The following SLC9A9 variants were observed in gnomAD, a reference collection of about 807,000 sequenced individuals.
The protein encoded by SLC9A9 is sodium/hydrogen exchanger 9.
In SLC9A9, 62 loss-of-function variants were observed where a neutral mutation model predicts 77.8. That is an observed-to-expected ratio of 0.80 (90% CI 0.65 to 0.98). The LOEUF (loss-of-function observed/expected upper bound fraction) is 0.98. SLC9A9 is among the 50% of genes least tolerant of loss of function. The pLI, the probability that SLC9A9 is intolerant of heterozygous loss-of-function variation, is 0.00. For synonymous variants in SLC9A9, 320 were observed against 283.5 expected (o/e 1.13, Z -1.29); for missense variants, 775 against 774.9 (o/e 1.00, Z 0.00).
At chr3:143,692,034 T>C (rs529243580) in intron 5 of SLC9A9, among the ~76,000 whole-genome samples, 143 of 152,180 alleles carry the variant, frequency 9.4e-4, no homozygotes, top group Non-Finnish European at 1.4e-3. Flanking sequence ...AAAGTAATCA[T>C]ACCAAAAAAG....
chr3:143,708,793 T>C (rs1471933325), intron 4 of SLC9A9, among the ~76,000 whole-genome samples: 1 of 152,158 alleles, frequency 6.6e-6, no homozygotes, highest in Non-Finnish European at 1.5e-5. Context: ...TCCTGCTAGG[T>C]GCTAAGGGGT....
At chr3:143,637,249 G>T (rs2038538467) in intron 6 of SLC9A9, among the ~76,000 whole-genome samples, 1 of 144,736 alleles carries the variant, frequency 6.9e-6, no homozygotes, top group South Asian at 2.2e-4. Context: ...AACAATTCAA[G>T]ATATGAATGA....
rs1419410834 is a variant in SLC9A9, at chr3:143,606,436, C to CTCTCTCTCTA, written c.756-27714_756-27713insTAGAGAGAGA. On this transcript the variant is annotated intron_variant, in intron 6 of 15. Coordinates refer to ENST00000316549, the MANE Select transcript of SLC9A9 (RefSeq NM_173653.4). ...TCTCTCTCTCTCTCTCTCTCTCTCT[C>CTCTCTCTCTA]TATATATATATATATATATATATAT... is the stretch of plus-strand genomic sequence containing the variant. Among the ~76,000 whole-genome samples the CTCTCTCTCTA allele has an allele frequency of 5.3e-3, 288 of 54,186 alleles. 3 individuals are homozygous for CTCTCTCTCTA. The highest frequency in any genetic ancestry group is 8.9e-3 in the East Asian group (12 of 1,354). 35.5% of individuals were successfully genotyped at this position (54,186 alleles called of 152,430 possible). A position where few individuals can be genotyped will look rare whatever the true frequency, so the allele number is the denominator to read the frequency against.
chr3:143,523,715 T>C (rs2036357238), intron 9 of SLC9A9, among the ~76,000 whole-genome samples: 2 of 152,194 alleles, frequency 1.3e-5, no homozygotes, highest in South Asian at 4.1e-4. Context: ...ATTATCATTA[T>C]ATTTTTCCAT....
In SLC9A9 at chr3:143,795,048, A is replaced by C; in HGVS notation, c.486T>G (p.Ile162Met). Residue 162 changes from isoleucine to methionine, a missense_variant, in exon 4 of 16, where the codon ATT becomes ATG. Physicochemically the swap from Ile to Met is conservative, Grantham distance 10. Coordinates refer to ENST00000316549, the MANE Select transcript of SLC9A9 (RefSeq NM_173653.4). The part of the protein sequence containing the change: ...KRHFFQNLGS[I>M]LTYAFLGTAI... The stretch of plus-strand genomic sequence containing the variant: ...CAGTTCCCAAGAAGGCATACGTTAA[A>C]ATAGATCCTAAGTTTTGAAAAAAGT... 1 of 1,613,836 alleles carries C rather than the reference A, an allele frequency of 6.2e-7. No homozygotes were observed. Among genetic ancestry groups the C allele is most frequent in the Non-Finnish European group, 8.5e-7 (1 of 1,179,884 alleles).
intron 6 of SLC9A9, among the ~76,000 whole-genome samples, chr3:143,620,343 G>T (rs921415126): frequency 1.3e-5 from 2 of 152,166 alleles, no homozygotes; most frequent in African/African-American, 4.8e-5. Flanking sequence ...ATTATTAAAT[G>T]AGCTGGGATA....
chr3:143,810,234 G>A (rs1171347575), intron 2 of SLC9A9, among the ~76,000 whole-genome samples: 1 of 152,174 alleles, frequency 6.6e-6, no homozygotes, highest in East Asian at 1.9e-4. Context: ...GAAAGGATAT[G>A]TACCAAGTTA....
chr3:143,717,574 T>C (rs1178044522), intron 4 of SLC9A9, among the ~76,000 whole-genome samples: 1 of 152,232 alleles, frequency 6.6e-6, no homozygotes, highest in Non-Finnish European at 1.5e-5. Context: ...TGGAGCTTAG[T>C]GGTGGCTGCC....
intron 11 of SLC9A9, among the ~76,000 whole-genome samples, chr3:143,473,606 T>A (rs908836945): frequency 3.9e-5 from 6 of 152,342 alleles, no homozygotes; most frequent in African/African-American, 1.4e-4. Context: ...AATACTTTAG[T>A]CCACTTTGTT....
rs146354882 is a variant in SLC9A9, at chr3:143,695,577, T to A, written c.534-2270A>T. On this transcript the variant is annotated intron_variant, in intron 4 of 15. Transcript: ENST00000316549. Reference sequence around the variant, plus strand: ...TATGTGCCACATTTTCTTTATCCAGTCTATCATTGGTGGGCATTTGGGTTG... The same window carrying A: ...TATGTGCCACATTTTCTTTATCCAGACTATCATTGGTGGGCATTTGGGTTG... Among the ~76,000 whole-genome samples, 934 of 152,310 alleles carry A rather than the reference T, an allele frequency of 6.1e-3. 12 individuals carry two copies. Among genetic ancestry groups the A allele is most frequent in the African/African-American group, 0.021 (879 of 41,558 alleles).
intron 2 of SLC9A9, among the ~76,000 whole-genome samples, chr3:143,813,682 A>G (rs912000010): frequency 2.6e-5 from 4 of 152,150 alleles, no homozygotes; most frequent in African/African-American, 9.7e-5. Flanking sequence ...ATTATTTTGC[A>G]TAGTTTTTGC....
intron 4 of SLC9A9, among the ~76,000 whole-genome samples, chr3:143,760,873 C>T (rs1479727838): frequency 3.3e-5 from 5 of 152,220 alleles, no homozygotes; most frequent in Admixed American, 1.3e-4. Flanking sequence ...AAAAGGAGCC[C>T]GCATTGCCAA....
chr3:143,371,121 A>T (rs952095255), intron 13 of SLC9A9, among the ~76,000 whole-genome samples: 1 of 152,142 alleles, frequency 6.6e-6, no homozygotes, highest in Non-Finnish European at 1.5e-5. Context: ...TTGGTTGAAC[A>T]CTGACCTGTA....
chr3:143,655,472 G>T, intron 5 of SLC9A9: 2 of 985,214 alleles, frequency 2.0e-6, no homozygotes, highest in Non-Finnish European at 2.4e-6. Flanking sequence ...CAGACAATTT[G>T]GTCATTTTGT....
At chr3:143,674,167 C>CTGTTT (rs1344640650) in intron 5 of SLC9A9, among the ~76,000 whole-genome samples, 2 of 152,092 alleles carry the variant, frequency 1.3e-5, no homozygotes, top group Non-Finnish European at 2.9e-5. Context: ...AAGGTACTTT[C>CTGTTT]TGTTTTGTTT....
At chr3:143,667,935 A>G (rs2039097128) in intron 5 of SLC9A9, among the ~76,000 whole-genome samples, 1 of 152,206 alleles carries the variant, frequency 6.6e-6, no homozygotes. Context: ...CGATTCCTCA[A>G]GGATCTAGAA....
intron 6 of SLC9A9, among the ~76,000 whole-genome samples, chr3:143,625,603 C>T (rs1420138548): frequency 6.6e-6 from 1 of 151,566 alleles, no homozygotes; most frequent in African/African-American, 2.4e-5. Flanking sequence ...ATACCTTATA[C>T]AAAAATTAAT....
At chr3:143,275,048 A>C (rs1350140912) in intron 14 of SLC9A9, among the ~76,000 whole-genome samples, 7 of 152,162 alleles carry the variant, frequency 4.6e-5, no homozygotes, top group Non-Finnish European at 1.0e-4. Context: ...TGATTGTCTG[A>C]AGCTTGTTCT....
At chr3:143,391,108 C>A (rs1198693673) in intron 12 of SLC9A9, among the ~76,000 whole-genome samples, 2 of 152,242 alleles carry the variant, frequency 1.3e-5, no homozygotes, top group Non-Finnish European at 2.9e-5. Flanking sequence ...AGTAGTGGTT[C>A]TCCCAACATG....
Sources: allele counts gnomAD v4.1 joint callset (sites outside exome capture counted in the v4.1 genomes callset), GRCh38; gene constraint gnomAD v4.1.1; transcripts MANE v1.5; gene names NCBI Gene and HGNC (gene_info 2026-07-23, HGNC 2026-07-21).